INPP4B: variants seen among roughly 807,000 people sequenced by gnomAD.
The protein encoded by INPP4B is inositol polyphosphate-4-phosphatase type II B, also known as inositol polyphosphate 4-phosphatase type II.
INPP4B carries 55 observed loss-of-function variants against 122.5 expected under a neutral mutation model. The ratio of observed to expected loss-of-function variants is 0.45; its 90% CI spans 0.36 to 0.56. INPP4B has a LOEUF of 0.56. INPP4B is among the 20% of genes least tolerant of loss of function. INPP4B has a pLI of 0.00. For missense variants in INPP4B, 1,000 were observed against 1,097.7 expected (o/e 0.91, Z 1.26); for synonymous variants, 403 against 388.7 (o/e 1.04, Z -0.43).
At chr4:142,268,348 G>GAAAAAA (rs1383781390) in intron 10 of INPP4B, among the ~76,000 whole-genome samples, 12 of 26,770 alleles carry the variant, frequency 4.5e-4, no homozygotes, top group Non-Finnish European at 4.6e-4. Flanking sequence ...AAAAAAAAAT[G>GAAAAAA]AGGGGTAAGT....
intron 2 of INPP4B, among the ~76,000 whole-genome samples, chr4:142,688,437 A>G (rs1163174911): frequency 6.6e-6 from 1 of 152,060 alleles, no homozygotes; most frequent in African/African-American, 2.4e-5. Flanking sequence ...TTTTCTCTGG[A>G]AAACATTTAT....
At chr4:142,524,407 G>T (rs1428902916) in intron 2 of INPP4B, among the ~76,000 whole-genome samples, 1 of 152,014 alleles carries the variant, frequency 6.6e-6, no homozygotes, top group Non-Finnish European at 1.5e-5. Flanking sequence ...CTGATGGCCA[G>T]TGATGATGAG....
chr4:142,584,665 T>G (rs533066645), intron 2 of INPP4B, among the ~76,000 whole-genome samples: 2 of 152,128 alleles, frequency 1.3e-5, no homozygotes, highest in Non-Finnish European at 2.9e-5. Context: ...TCACTATTGA[T>G]TTGACCTTAA....
chr4:142,405,119 G>T (rs920194589), intron 6 of INPP4B, 87 bp downstream of exon 6: 11 of 669,764 alleles, frequency 1.6e-5, no homozygotes, highest in South Asian at 6.6e-5. Flanking sequence ...GGGCGGGGGT[G>T]GGGGGGAGGG....
intron 25 of INPP4B, among the ~76,000 whole-genome samples, chr4:142,076,428 A>G (rs1299145501): frequency 1.3e-5 from 2 of 152,040 alleles, no homozygotes; most frequent in African/African-American, 4.8e-5. Context: ...CTTCAGCTGA[A>G]GTAAAAACAT....
chr4:142,393,047 T>C (rs1467153523), intron 7 of INPP4B, among the ~76,000 whole-genome samples: 2 of 152,098 alleles, frequency 1.3e-5, no homozygotes, highest in Non-Finnish European at 2.9e-5. Context: ...TATGTACCCA[T>C]CTCTAAAATG....
At chr4:142,253,645 A>T (rs1733782282) in intron 11 of INPP4B, among the ~76,000 whole-genome samples, 1 of 152,138 alleles carries the variant, frequency 6.6e-6, no homozygotes, top group Non-Finnish European at 1.5e-5. Flanking sequence ...TGCTTTTCCG[A>T]CGGGCTTAAA....
At chr4:142,253,262 A>G (rs1733424309) in intron 11 of INPP4B, among the ~76,000 whole-genome samples, 2 of 152,198 alleles carry the variant, frequency 1.3e-5, no homozygotes, top group Non-Finnish European at 1.5e-5. Flanking sequence ...ACATTACCAC[A>G]TACTACCGTA....
At chr4:142,816,018 G>A (rs1422877873) in intron 1 of INPP4B, among the ~76,000 whole-genome samples, 4 of 152,232 alleles carry the variant, frequency 2.6e-5, no homozygotes, top group African/African-American at 9.6e-5. Flanking sequence ...AATGCAAAAT[G>A]TGTGTCCCCA....
chr4:142,642,235 G>T, intron 2 of INPP4B, among the ~76,000 whole-genome samples: 1 of 152,086 alleles, frequency 6.6e-6, no homozygotes. Flanking sequence ...CACTCTAATG[G>T]TAGTTTCTTT....
At chr4:142,089,994 C>T (rs902315826) in intron 23 of INPP4B, among the ~76,000 whole-genome samples, 2 of 152,128 alleles carry the variant, frequency 1.3e-5, no homozygotes, top group East Asian at 1.9e-4. Flanking sequence ...ATGTTTTTAC[C>T]ATTGGTAGTA....
intron 2 of INPP4B, among the ~76,000 whole-genome samples, chr4:142,540,552 G>A (rs1323529649): frequency 6.6e-6 from 1 of 152,080 alleles, no homozygotes; most frequent in African/African-American, 2.4e-5. Context: ...TAGAGTGTAA[G>A]AGTAACTTGG....
chr4:142,563,660 G>T (rs888483626), intron 2 of INPP4B, among the ~76,000 whole-genome samples: 2 of 152,114 alleles, frequency 1.3e-5, no homozygotes, highest in Non-Finnish European at 2.9e-5. Context: ...CTTGAATTTG[G>T]GGTGGTGTTG....
intron 2 of INPP4B, among the ~76,000 whole-genome samples, chr4:142,564,006 A>G (rs772826636): frequency 1.5e-4 from 23 of 152,226 alleles, no homozygotes; most frequent in Non-Finnish European, 3.1e-4. Context: ...CGGATTTATG[A>G]GCCAAACAAG....
At chr4:142,590,135 A>ACAGGGGAAT (rs1242873074) in intron 2 of INPP4B, among the ~76,000 whole-genome samples, 1 of 152,142 alleles carries the variant, frequency 6.6e-6, no homozygotes, top group Non-Finnish European at 1.5e-5. Context: ...TCGGTGAAGC[A>ACAGGGGAAT]CAGGGGAATT....
intron 2 of INPP4B, among the ~76,000 whole-genome samples, chr4:142,695,473 GTC>G (rs1760900286): frequency 6.6e-6 from 1 of 152,120 alleles, no homozygotes; most frequent in Non-Finnish European, 1.5e-5. Context: ...ACATCTAAAT[GTC>G]TTAGTTCTTA....
intron 2 of INPP4B, among the ~76,000 whole-genome samples, chr4:142,472,402 G>A (rs964720869): frequency 1.3e-5 from 2 of 151,416 alleles, no homozygotes; most frequent in Non-Finnish European, 2.9e-5. Context: ...TGACCAAGTT[G>A]TCATTGTCAG....
chr4:142,210,428 A>C (rs1307153725), intron 12 of INPP4B, among the ~76,000 whole-genome samples: 3 of 152,210 alleles, frequency 2.0e-5, no homozygotes, highest in Non-Finnish European at 2.9e-5. Context: ...GAGAAAAAGT[A>C]ATTAATCAAT....
At chr4:142,482,792 A>C (rs985491416) in intron 2 of INPP4B, among the ~76,000 whole-genome samples, 1 of 152,074 alleles carries the variant, frequency 6.6e-6, no homozygotes, top group Non-Finnish European at 1.5e-5. Context: ...AGCATCTAGT[A>C]CTTCTCCTTT....
Sources: allele counts gnomAD v4.1 joint callset (sites outside exome capture counted in the v4.1 genomes callset), GRCh38; gene constraint gnomAD v4.1.1; transcripts MANE v1.5; gene names NCBI Gene and HGNC (gene_info 2026-07-23, HGNC 2026-07-21).